LRIG3: variants seen among roughly 807,000 people sequenced by gnomAD.
LRIG3 encodes the protein leucine-rich repeats and immunoglobulin-like domains protein 3.
LRIG3 carries 76 observed loss-of-function variants against 114.5 expected under a neutral mutation model. The ratio of observed to expected loss-of-function variants is 0.66; its 90% CI spans 0.55 to 0.80. The LOEUF (loss-of-function observed/expected upper bound fraction) is 0.80, where lower values mean the gene tolerates loss of function less well. Among genes scored for constraint, LRIG3 ranks in the 30% least tolerant of loss-of-function variants. The probability of loss-of-function intolerance (pLI) is 0.00; values close to 1 mark genes in which losing one functional copy is unlikely to be tolerated. For synonymous variants in LRIG3, 512 were observed against 519.8 expected (o/e 0.98, Z 0.20); for missense variants, 1,239 against 1,382.8 (o/e 0.90, Z 1.65).
intron 3 of LRIG3, among the ~76,000 whole-genome samples, chr12:58,907,491 A>G (rs1565622877): frequency 6.6e-6 from 1 of 152,094 alleles, no homozygotes; most frequent in African/African-American, 2.4e-5. Context: ...TGACCCTCCC[A>G]TTCAAGAATC....
At chr12:58,884,879 T>C (rs1358967709) in intron 10 of LRIG3, among the ~76,000 whole-genome samples, 1 of 152,142 alleles carries the variant, frequency 6.6e-6, no homozygotes, top group Non-Finnish European at 1.5e-5. Flanking sequence ...TCAGAGTCGA[T>C]ATTATACATT....
rs548165020 is a variant in LRIG3, at chr12:58,877,566, G to A, written c.2370C>T (p.Cys790=). The A allele has an allele frequency of 6.2e-6, 10 of 1,614,196 alleles. No individual in the cohort carries two copies. In the East Asian group the frequency reaches 1.1e-4, roughly 18 times the overall value. ...ATGGGGCTGTCATCTGAGGGGAGTC[G>A]CAGGTTGGAGTGGGGATCACACTGA... The part of the protein sequence containing the change: ...VRLSVIPTPT[C]DSPQMTAPSL... Residue 790 remains cysteine, a synonymous_variant, in exon 15 of 19, where the codon TGC becomes TGT. Coordinates refer to ENST00000320743, the MANE Select transcript of LRIG3 (RefSeq NM_153377.5).
At chr12:58,890,452 G>A (rs928304752) in intron 4 of LRIG3, among the ~76,000 whole-genome samples, 7 of 152,040 alleles carry the variant, frequency 4.6e-5, no homozygotes, top group Non-Finnish European at 7.4e-5. Flanking sequence ...CACCATCTAG[G>A]TTTTCTAATA....
chr12:58,915,060 G>C (rs939696711), intron 1 of LRIG3, among the ~76,000 whole-genome samples: 1 of 152,072 alleles, frequency 6.6e-6, no homozygotes, highest in African/African-American at 2.4e-5. Context: ...AATTTCCATA[G>C]AACATCATTA....
chr12:58,920,107 G>A lies in LRIG3; in HGVS notation c.129C>T (p.Ala43=). ...GGCAGGTAGTGGGGCATGGGCGCTC[G>A]GCGGCTACCCCAGAGGGCTGCCCGA... ...GELGQPSGVA[A]ERPCPTTCRC... is the part of the protein sequence containing the mutation. The change falls in exon 1 of 19, where the codon GCC becomes GCT. Residue 43 remains alanine (A), a synonymous_variant. Coordinates refer to ENST00000320743, the MANE Select transcript of LRIG3 (RefSeq NM_153377.5). 1.3e-6 allele frequency: 2 copies of A among 1,551,516 alleles called. No homozygotes were observed. Among genetic ancestry groups the A allele is most frequent in the South Asian group, 1.2e-5 (1 of 84,354 alleles).
intron 3 of LRIG3, among the ~76,000 whole-genome samples, chr12:58,904,188 T>G (rs2120957703): frequency 6.6e-6 from 1 of 152,270 alleles, no homozygotes; most frequent in East Asian, 1.9e-4. Context: ...AGAGCTCTGT[T>G]TCATTTCTTT....
chr12:58,879,268 G>A (rs2120880022), intron 13 of LRIG3, among the ~76,000 whole-genome samples, 163 bp from the exon 14 acceptor site: 1 of 152,372 alleles, frequency 6.6e-6, no homozygotes, highest in East Asian at 1.9e-4. Flanking sequence ...CTAAAGTTGA[G>A]ATGGAAAGAT....
intron 3 of LRIG3, among the ~76,000 whole-genome samples, chr12:58,905,488 C>T (rs138631557): frequency 3.3e-5 from 5 of 152,150 alleles, no homozygotes; most frequent in African/African-American, 7.2e-5. Context: ...TTCCACTAAA[C>T]GTAATATCTG....
chr12:58,880,854 C>A lies in LRIG3; in HGVS notation c.1528G>T (p.Ala510Ser). 6.2e-7 allele frequency: 1 copy of A among 1,614,012 alleles called. No homozygotes were observed. The highest frequency in any genetic ancestry group is 8.5e-7 in the Non-Finnish European group (1 of 1,179,924). Residue 510 changes from alanine (A) to serine (S), a missense_variant, in exon 13 of 19, where the codon GCA (alanine) becomes TCA (serine). Ala to Ser is a moderately conservative substitution (Grantham distance 99). Coordinates refer to ENST00000320743, the MANE Select transcript of LRIG3 (RefSeq NM_153377.5). ...QITVQPETQSAIKGSNLSFIC... is the reference protein window; with the variant it reads ...QITVQPETQSSIKGSNLSFIC... The stretch of plus-strand genomic sequence containing the variant: ...AAACTCAAATTGGAACCTTTTATTG[C>A]CGACTGTGTTTCTGGCTGAACCGTG...
chr12:58,877,654 TC>T lies in LRIG3; in HGVS notation c.2281del (p.Asp761MetfsTer24). ...CATCTCACATGTGTATTTCCCAGCA[TC>T]ACTGACATCTGAGTCCACAATAATC... ...LLIIVDSDVS[D>X]AGKYTCEMSN... On this transcript the variant is annotated frameshift_variant, in exon 15 of 19. Transcript: ENST00000320743. LOFTEE classifies it high-confidence loss of function. The T allele has an allele frequency of 6.2e-7, 1 of 1,614,192 alleles. No individual in the cohort carries two copies. Among genetic ancestry groups the T allele is most frequent in the Non-Finnish European group, 8.5e-7 (1 of 1,180,042 alleles).
At chr12:58,888,534 G>A (rs1871350037) in intron 6 of LRIG3, 62 bp from the exon 7 acceptor site, 2 of 1,581,900 alleles carry the variant, frequency 1.3e-6, no homozygotes, top group African/African-American at 1.4e-5. Flanking sequence ...TCTTCAAAGG[G>A]GACATATGAT....
intron 1 of LRIG3, among the ~76,000 whole-genome samples, chr12:58,918,566 C>G (rs11172825): frequency 0.11 from 16,334 of 152,184 alleles, 1,082 homozygotes; most frequent in Admixed American, 0.17. Context: ...TATTCATTTT[C>G]TCTTTCTCAT....
intron 3 of LRIG3, among the ~76,000 whole-genome samples, chr12:58,896,439 T>C (rs1408303772): frequency 6.6e-6 from 1 of 152,178 alleles, no homozygotes. Flanking sequence ...AACCAGAATA[T>C]CAGGTTTTCT....
At position 58,890,069 on chromosome 12, in the gene LRIG3, CAAG is replaced by C; in HGVS notation, c.583_585del (p.Leu195del). On this transcript the variant is annotated inframe_deletion, in exon 5 of 19. Transcript: ENST00000320743. ...ATTCGGTTCCTGTTCAGCTTTAACA[CAAG>C]GAGTGTGTTGGCCAAATTGTCAAAA... 1.9e-6 allele frequency: 3 copies of C among 1,613,940 alleles called. No individual in the cohort carries two copies. Among genetic ancestry groups the C allele is most frequent in the Non-Finnish European group, 1.7e-6 (2 of 1,179,904 alleles).
At chr12:58,890,836 A>C (rs766357772) in intron 3 of LRIG3, 40 bp from the exon 4 acceptor site, 3 of 1,559,932 alleles carry the variant, frequency 1.9e-6, no homozygotes, top group Non-Finnish European at 2.6e-6. Flanking sequence ...GGTTAACGGT[A>C]CAACAATCTG....
At chr12:58,912,574 T>C (rs1023838735) in intron 3 of LRIG3, among the ~76,000 whole-genome samples, 1 of 152,204 alleles carries the variant, frequency 6.6e-6, no homozygotes, top group African/African-American at 2.4e-5. Context: ...CTCAACGCTA[T>C]ACCATGCCAA....
intron 3 of LRIG3, among the ~76,000 whole-genome samples, chr12:58,901,294 GTCTGGTAT>G (rs1871839305): frequency 6.6e-6 from 1 of 152,164 alleles, no homozygotes; most frequent in East Asian, 1.9e-4. Flanking sequence ...CTTCATTAAT[GTCTGGTAT>G]TCTGGTTGAG....
intron 3 of LRIG3, among the ~76,000 whole-genome samples, chr12:58,899,799 T>C (rs1480352855): frequency 3.3e-5 from 5 of 152,158 alleles, no homozygotes; most frequent in Admixed American, 2.6e-4. Flanking sequence ...GCTTGTTGAA[T>C]GGTGAGTGCC....
intron 6 of LRIG3, 98 bp from the exon 7 acceptor site, chr12:58,888,570 T>C (rs1592299463): frequency 1.4e-6 from 2 of 1,460,528 alleles, no homozygotes; most frequent in Non-Finnish European, 1.8e-6. Flanking sequence ...ATTCCTATTG[T>C]TATTAGATGT....
Sources: gnomAD v4.1 joint callset for allele counts (sites outside exome capture counted in the v4.1 genomes callset) on GRCh38, gnomAD v4.1.1 for gene constraint, MANE v1.5 for transcripts, NCBI Gene and HGNC (gene_info 2026-07-23, HGNC 2026-07-21) for gene names.